Variants in MTSS1 observed in about 807,000 individuals in gnomAD.
MTSS1 encodes protein MTSS 1.
In MTSS1, 18 loss-of-function variants were observed where a neutral mutation model predicts 79.0. That is an observed-to-expected ratio of 0.23 (90% confidence interval 0.16 to 0.34). The LOEUF (loss-of-function observed/expected upper bound fraction) is 0.34, where lower values mean the gene tolerates loss of function less well. Among genes scored for constraint, MTSS1 ranks in the 10% least tolerant of loss-of-function variants. The pLI is 1.00. For missense variants in MTSS1, 815 were observed against 986.2 expected (o/e 0.83, Z 2.33); for synonymous variants, 341 against 368.6 (o/e 0.93, Z 0.86).
At chr8:124,567,240 C>A in intron 7 of MTSS1, 62 bp from the exon 8 acceptor site, 2 of 1,355,890 alleles carry the variant, frequency 1.5e-6, no homozygotes, top group Non-Finnish European at 2.1e-6. Flanking sequence ...TCGCTCTAGT[C>A]CAATTGTTTT....
At chr8:124,650,050 A>G in intron 3 of MTSS1, among the ~76,000 whole-genome samples, 1 of 150,642 alleles carries the variant, frequency 6.6e-6, no homozygotes, top group Non-Finnish European at 1.5e-5. Context: ...TTTTCCCTCG[A>G]GATGGAGTCT....
At chr8:124,671,568 A>C (rs967292229) in intron 3 of MTSS1, among the ~76,000 whole-genome samples, 2 of 152,232 alleles carry the variant, frequency 1.3e-5, no homozygotes, top group Non-Finnish European at 2.9e-5. Context: ...TCTGAAGATG[A>C]CCAAAGTGGA....
intron 3 of MTSS1, among the ~76,000 whole-genome samples, chr8:124,672,521 A>G (rs1380760990): frequency 6.6e-6 from 1 of 151,964 alleles, no homozygotes; most frequent in Non-Finnish European, 1.5e-5. Context: ...ATGGGAAGGA[A>G]AGGGCTGGGC....
At chr8:124,610,390 T>A (rs1267536849) in intron 3 of MTSS1, among the ~76,000 whole-genome samples, 1 of 152,180 alleles carries the variant, frequency 6.6e-6, no homozygotes, top group Non-Finnish European at 1.5e-5. Context: ...TCCCCTTATA[T>A]GCTACAAGAA....
chr8:124,721,696 A>T (rs1832971132), intron 1 of MTSS1, among the ~76,000 whole-genome samples: 1 of 83,080 alleles, frequency 1.2e-5, no homozygotes, highest in African/African-American at 4.1e-5. Context: ...TCGCCCTACC[A>T]GAAAAGGCTT....
chr8:124,612,610 G>GTGTA (rs1836053782), intron 3 of MTSS1, among the ~76,000 whole-genome samples: 1 of 150,724 alleles, frequency 6.6e-6, no homozygotes, highest in East Asian at 2.0e-4. Flanking sequence ...GTGTGTGTGT[G>GTGTA]TGTGTGTGTG....
At chr8:124,584,657 C>G (rs1169137869) in intron 6 of MTSS1, among the ~76,000 whole-genome samples, 1 of 152,170 alleles carries the variant, frequency 6.6e-6, no homozygotes, top group Non-Finnish European at 1.5e-5. Context: ...TTCCCCTGCA[C>G]CCATTCCTAG....
At chr8:124,596,987 T>C (rs953090581) in intron 3 of MTSS1, among the ~76,000 whole-genome samples, 3 of 152,154 alleles carry the variant, frequency 2.0e-5, no homozygotes, top group Non-Finnish European at 4.4e-5. Flanking sequence ...AAAGACCCTG[T>C]GTCCAAATGG....
chr8:124,602,192 T>TATATATATATATATACACACACACACAC (rs1247663952), intron 3 of MTSS1, among the ~76,000 whole-genome samples: 4 of 136,086 alleles, frequency 2.9e-5, no homozygotes, highest in Non-Finnish European at 6.1e-5. Context: ...TATATACATA[T>TATATATATATATATACACACACACACAC]ATATATATAT....
At chr8:124,586,540 A>G (rs1046355505) in intron 5 of MTSS1, among the ~76,000 whole-genome samples, 12 of 151,840 alleles carry the variant, frequency 7.9e-5, no homozygotes, top group African/African-American at 2.9e-4. Context: ...CTCCCCCTAC[A>G]AGCTCCCCAG....
At chr8:124,694,737 T>C (rs1353579413) in intron 3 of MTSS1, among the ~76,000 whole-genome samples, 3 of 152,300 alleles carry the variant, frequency 2.0e-5, no homozygotes, top group African/African-American at 4.8e-5. Flanking sequence ...TCAGCTCCTG[T>C]AATAGCCACG....
intron 3 of MTSS1, among the ~76,000 whole-genome samples, chr8:124,669,823 T>C (rs1404586179): frequency 6.6e-6 from 1 of 152,170 alleles, no homozygotes; most frequent in Non-Finnish European, 1.5e-5. Flanking sequence ...ACTAGAGGAA[T>C]CTCCCTACAC....
At chr8:124,713,941 T>C (rs1324486749) in intron 1 of MTSS1, among the ~76,000 whole-genome samples, 1 of 152,112 alleles carries the variant, frequency 6.6e-6, no homozygotes, top group Non-Finnish European at 1.5e-5. Context: ...AGAGATGGGT[T>C]TTGCCATGTT....
At chr8:124,718,726 A>G (rs1296985555) in intron 1 of MTSS1, among the ~76,000 whole-genome samples, 1 of 152,074 alleles carries the variant, frequency 6.6e-6, no homozygotes, top group Non-Finnish European at 1.5e-5. Flanking sequence ...TCTGCACTCA[A>G]TCACTCGGGG....
intron 3 of MTSS1, among the ~76,000 whole-genome samples, chr8:124,665,143 G>T (rs1256187269): frequency 6.6e-6 from 1 of 152,176 alleles, no homozygotes; most frequent in Admixed American, 6.5e-5. Context: ...AATCTGGTCA[G>T]TAACCAGCAC....
At chr8:124,693,239 C>T (rs936827945) in intron 3 of MTSS1, among the ~76,000 whole-genome samples, 7 of 152,156 alleles carry the variant, frequency 4.6e-5, no homozygotes, top group East Asian at 3.9e-4. Flanking sequence ...GTGCAGTTGC[C>T]GGCCATGGGT....
At chr8:124,645,928 T>C (rs1342540970) in intron 3 of MTSS1, among the ~76,000 whole-genome samples, 2 of 152,222 alleles carry the variant, frequency 1.3e-5, no homozygotes. Flanking sequence ...GATATCTTCC[T>C]TCAGAAGCTG....
intron 6 of MTSS1, among the ~76,000 whole-genome samples, chr8:124,572,744 T>TTTTTC (rs67138741): frequency 0.1 from 9,376 of 89,424 alleles, 421 homozygotes; most frequent in East Asian, 0.22. Flanking sequence ...TTTTCTTTTC[T>TTTTTC]TTTTTTTTTT....
chr8:124,624,405 A>G (rs1416327852), intron 3 of MTSS1, among the ~76,000 whole-genome samples: 1 of 152,216 alleles, frequency 6.6e-6, no homozygotes, highest in East Asian at 1.9e-4. Flanking sequence ...AGACATTCAG[A>G]GAACTGGTGA....
Sources: allele counts gnomAD v4.1 joint callset (sites outside exome capture counted in the v4.1 genomes callset), GRCh38; gene constraint gnomAD v4.1.1; transcripts MANE v1.5; gene names NCBI Gene and HGNC (gene_info 2026-07-23, HGNC 2026-07-21).